Variants in UBE2E1 observed in about 807,000 individuals in gnomAD.
UBE2E1 encodes the protein ubiquitin conjugating enzyme E2 E1.
UBE2E1 carries 6 observed loss-of-function variants against 21.4 expected under a neutral mutation model. The ratio of observed to expected loss-of-function variants is 0.28; its 90% CI spans 0.15 to 0.55. The LOEUF is 0.55. Among genes scored for constraint, UBE2E1 ranks in the 20% least tolerant of loss-of-function variants. The probability of loss-of-function intolerance (pLI) is 0.93; values close to 1 mark genes in which losing one functional copy is unlikely to be tolerated. For missense variants in UBE2E1, 142 were observed against 236.5 expected (o/e 0.60, Z 2.62); for synonymous variants, 87 against 82.7 (o/e 1.05, Z -0.28).
At chr3:23,859,418 A>G (rs972110185) in intron 3 of UBE2E1, among the ~76,000 whole-genome samples, 2 of 152,196 alleles carry the variant, frequency 1.3e-5, no homozygotes, top group Admixed American at 1.3e-4. Context: ...ATGACTCTCC[A>G]TATTACCTGC....
chr3:23,829,896 G>T (rs1699833122), intron 3 of UBE2E1, among the ~76,000 whole-genome samples: 1 of 152,158 alleles, frequency 6.6e-6, no homozygotes, highest in South Asian at 2.1e-4. Context: ...TTCTTGAGGA[G>T]TTTGCTGCTA....
chr3:23,890,510 C>T lies in UBE2E1; in HGVS notation c.486C>T (p.Ala162=), dbSNP rs749823105. ...ICSLLTDCNP[A]DPLVGSIATQ... is the part of the protein sequence containing the mutation. ...GTAATCTACATTCTTTTCTTCCAGCCGACCCCTTGGTGGGAAGTATTGCCA... is the reference window on the plus strand; with the variant it reads ...GTAATCTACATTCTTTTCTTCCAGCTGACCCCTTGGTGGGAAGTATTGCCA... Residue 162 remains alanine (A), a splice_region_variant and synonymous_variant, in exon 6 of 6, where the codon GCC becomes GCT. Transcript: ENST00000306627. The T allele has an allele frequency of 1.1e-5, 17 of 1,609,592 alleles. No homozygotes were observed. The highest frequency in any genetic ancestry group is 2.2e-5 in the East Asian group (1 of 44,584).
intron 5 of UBE2E1, chr3:23,889,646 T>G (rs1701307487): frequency 1.0e-6 from 1 of 985,322 alleles, no homozygotes; most frequent in African/African-American, 1.7e-5. Flanking sequence ...TCAGTGAGCA[T>G]GTGTCCCATA....
At chr3:23,879,598 T>C in intron 3 of UBE2E1, 1 of 236,076 alleles carries the variant, frequency 4.2e-6, no homozygotes, top group Non-Finnish European at 8.6e-6. Flanking sequence ...CATCCTTCCC[T>C]TCTCTTCACT....
intron 3 of UBE2E1, among the ~76,000 whole-genome samples, chr3:23,830,887 T>C (rs919295109): frequency 1.3e-5 from 2 of 152,178 alleles, no homozygotes; most frequent in Admixed American, 1.3e-4. Context: ...TCTAAGGACT[T>C]TGAACATTAG....
At chr3:23,844,764 T>C (rs1199313917) in intron 3 of UBE2E1, among the ~76,000 whole-genome samples, 2 of 152,190 alleles carry the variant, frequency 1.3e-5, no homozygotes, top group African/African-American at 4.8e-5. Flanking sequence ...CATGAACATG[T>C]AGGTCAGTCT....
intron 3 of UBE2E1, among the ~76,000 whole-genome samples, chr3:23,846,698 C>CAAAAAAA (rs10662469): frequency 1.9e-4 from 17 of 89,710 alleles, no homozygotes; most frequent in South Asian, 4.9e-4. Context: ...TCCATCTCAT[C>CAAAAAAA]AAAAAAAAAA....
rs140805430 is a variant in UBE2E1 at position 23,882,419 on chromosome 3, C to G, written c.204-5148C>G. ...GTACATTTACAATCCTCCAGCTAGA[C>G]GTAAAAGTTCTCCAAGTCCCCACTT... is the stretch of plus-strand genomic sequence containing the variant. On this transcript the variant is annotated intron_variant, in intron 3 of 5. Coordinates refer to ENST00000306627, the MANE Select transcript of UBE2E1 (RefSeq NM_003341.5). Among the ~76,000 whole-genome samples the G allele has an allele frequency of 7.9e-5, 12 of 152,378 alleles. No individual in the cohort carries two copies. In the South Asian group the frequency reaches 1.9e-3, roughly 24 times the overall value.
At position 23,842,200 on chromosome 3, in the gene UBE2E1, T is replaced by TGTGTGG. The variant is rs1225890177; in HGVS notation, c.203+30695_203+30696insGGTGTG. On this transcript the variant is annotated intron_variant, in intron 3 of 5. Coordinates refer to ENST00000306627, the MANE Select transcript of UBE2E1 (RefSeq NM_003341.5). This position sits in a 1 kb window ranked among gnomAD's most constrained non-coding sequence, Gnocchi z 4.6. ...TGTCATGACCCAGTAAGTGAAGGGG[T>TGTGTGG]GTGTGTGTGTGTGTGTGTGTGTGTG... 1.4e-5 allele frequency among the ~76,000 whole-genome samples: 1 copy of TGTGTGG among 69,946 alleles called. No individual in the cohort carries two copies. The highest frequency in any genetic ancestry group is 2.9e-5 in the Non-Finnish European group (1 of 34,674). The allele number at this position is 69,946 out of a possible 152,430, so 45.9% of individuals were successfully genotyped here. A position where few individuals can be genotyped will look rare whatever the true frequency, so the allele number is the denominator to read the frequency against.
chr3:23,822,579 TAG>T, intron 3 of UBE2E1, among the ~76,000 whole-genome samples: 1 of 152,276 alleles, frequency 6.6e-6, no homozygotes, highest in Non-Finnish European at 1.5e-5. Context: ...TACAAGTAAA[TAG>T]TGTCAGGTTC....
intron 3 of UBE2E1, among the ~76,000 whole-genome samples, chr3:23,878,601 G>A (rs1218205714): frequency 6.6e-6 from 1 of 152,194 alleles, no homozygotes; most frequent in Admixed American, 6.5e-5. Flanking sequence ...CCTGAGCTCC[G>A]CCTCCTGTCA....
intron 3 of UBE2E1, among the ~76,000 whole-genome samples, chr3:23,850,681 G>GTTT (rs550418701): frequency 3.4e-4 from 35 of 104,296 alleles, no homozygotes; most frequent in East Asian, 8.4e-4. Flanking sequence ...ACACCTGATT[G>GTTT]TTTTTTTTTT....
intron 3 of UBE2E1, among the ~76,000 whole-genome samples, chr3:23,860,057 C>T (rs1422223117): frequency 6.6e-6 from 1 of 152,130 alleles, no homozygotes; most frequent in Non-Finnish European, 1.5e-5. Flanking sequence ...GTAAGGATGT[C>T]TTGAAATAAG....
chr3:23,817,519 G>A (rs2125284199), intron 3 of UBE2E1, among the ~76,000 whole-genome samples: 1 of 151,992 alleles, frequency 6.6e-6, no homozygotes, highest in South Asian at 2.1e-4. Context: ...TATTTTGAAT[G>A]GTACTTGGAA....
At position 23,848,644 on chromosome 3, in the gene UBE2E1, T is replaced by C. The variant is rs541604554; in HGVS notation, c.203+37134T>C. ...ACTTAAATGCCCACATAATGTGATATAATCAGTAACTACCCTGACAGTTCA... is the reference window on the plus strand; with the variant it reads ...ACTTAAATGCCCACATAATGTGATACAATCAGTAACTACCCTGACAGTTCA... On this transcript the variant is annotated intron_variant, in intron 3 of 5. Transcript: ENST00000306627. Among the ~76,000 whole-genome samples, 8 of 152,350 alleles carry C rather than the reference T, an allele frequency of 5.3e-5. No homozygotes were observed. The South Asian group carries it at 1.4e-3, about 28-fold the overall frequency.
At chr3:23,847,004 A>G (rs1268135512) in intron 3 of UBE2E1, among the ~76,000 whole-genome samples, 1 of 152,222 alleles carries the variant, frequency 6.6e-6, no homozygotes, top group African/African-American at 2.4e-5. Flanking sequence ...TAAGAAGATA[A>G]GCTAATTCTT....
rs144798695 is a variant in UBE2E1 at position 23,845,561 on chromosome 3, T to TTCTCTC, written c.203+34075_203+34080dup. Among the ~76,000 whole-genome samples, 213 of 137,006 alleles carry TTCTCTC rather than the reference T, an allele frequency of 1.6e-3. 1 individual carries two copies. Among genetic ancestry groups the TTCTCTC allele is most frequent in the Middle Eastern group, 7.1e-3 (2 of 280 alleles). The allele number at this position is 137,006 out of a possible 152,430, so 89.9% of individuals were successfully genotyped here. On this transcript the variant is annotated intron_variant, in intron 3 of 5. Transcript: ENST00000306627. The stretch of plus-strand genomic sequence containing the variant: ...TTGTCCATCTCCCCACTGTTTTGGT[T>TTCTCTC]TCTCTCTCTCTCTCTCTCTCTCTCT...
chr3:23,833,654 A>G (rs1473381), intron 3 of UBE2E1, among the ~76,000 whole-genome samples: 114,251 of 152,186 alleles, frequency 0.75, 43,276 homozygotes, highest in Admixed American at 0.8. Flanking sequence ...GTTGTTGTCT[A>G]TGTAAAGAAA....
At position 23,868,702 on chromosome 3, in the gene UBE2E1, G is replaced by T. The variant is rs542018243; in HGVS notation, c.204-18865G>T. 1.2e-4 allele frequency among the ~76,000 whole-genome samples: 18 copies of T among 151,822 alleles called. No homozygotes were observed. The South Asian group carries it at 3.3e-3, about 28-fold the overall frequency. ...ATTTTGTCCTTCAGAATAGAAATTGGGAAGTAAACACAGTGTTGTTTTTTT... is the reference window on the plus strand; with the variant it reads ...ATTTTGTCCTTCAGAATAGAAATTGTGAAGTAAACACAGTGTTGTTTTTTT... On this transcript the variant is annotated intron_variant, in intron 3 of 5. Transcript: ENST00000306627.
Sources: gnomAD v4.1 joint callset for allele counts (sites outside exome capture counted in the v4.1 genomes callset) on GRCh38, gnomAD v4.1.1 for gene constraint, Gnocchi (gnomAD v3.1) non-coding constraint, MANE v1.5 for transcripts, NCBI Gene and HGNC (gene_info 2026-07-23, HGNC 2026-07-21) for gene names.